CNTNAP2: variants seen among roughly 807,000 people sequenced by gnomAD.
CNTNAP2 encodes the protein contactin associated protein 2.
In CNTNAP2, 98 loss-of-function variants were observed where a neutral mutation model predicts 155.2. The ratio of observed to expected loss-of-function variants is 0.63; its 90% CI spans 0.54 to 0.75. The LOEUF (loss-of-function observed/expected upper bound fraction) is 0.75, where lower values mean the gene tolerates loss of function less well. CNTNAP2 is among the 30% of genes least tolerant of loss of function. The probability of loss-of-function intolerance (pLI) is 0.00; values close to 1 mark genes in which losing one functional copy is unlikely to be tolerated. For missense variants in CNTNAP2, 1,727 were observed against 1,688.1 expected (o/e 1.02, Z -0.40); for synonymous variants, 651 against 631.2 (o/e 1.03, Z -0.47).
At position 146,711,670 on chromosome 7, in the gene CNTNAP2, G is replaced by C. The variant is rs974224532; in HGVS notation, c.98-62601G>C. Among the ~76,000 whole-genome samples the C allele has an allele frequency of 2.5e-3, 369 of 146,274 alleles. 2 individuals are homozygous for C. The highest frequency in any genetic ancestry group is 8.6e-3 in the African/African-American group (342 of 39,690). ...TTGAGGTTCACACTGAAGCTATTTC[G>C]TATATATCTCATTATATATACATAT... On this transcript the variant is annotated intron_variant, in intron 1 of 23. Coordinates refer to ENST00000361727, the MANE Select transcript of CNTNAP2 (RefSeq NM_014141.6).
intron 11 of CNTNAP2, among the ~76,000 whole-genome samples, chr7:147,539,500 G>A (rs1229454740): frequency 6.6e-6 from 1 of 152,176 alleles, no homozygotes; most frequent in East Asian, 1.9e-4. Context: ...TTCTGGAGAA[G>A]CCACTAGGAT....
intron 12 of CNTNAP2, among the ~76,000 whole-genome samples, chr7:147,577,581 T>C (rs567772926): frequency 1.3e-5 from 2 of 152,008 alleles, no homozygotes; most frequent in South Asian, 2.1e-4. Flanking sequence ...GTAGAGTTTC[T>C]TCTATTGGGG....
chr7:146,370,599 C>A (rs189915344), intron 1 of CNTNAP2, among the ~76,000 whole-genome samples: 58 of 152,144 alleles, frequency 3.8e-4, no homozygotes, highest in Non-Finnish European at 5.7e-4. Flanking sequence ...ATTAATATAG[C>A]CTTAACATAT....
At position 146,151,646 on chromosome 7, in the gene CNTNAP2, ATATATATATATATATATAT is replaced by A. The variant is rs1798042214; in HGVS notation, c.97+34674_97+34692del. On this transcript the variant is annotated intron_variant, in intron 1 of 23. Transcript: ENST00000361727. ...GACAAAGAAAACGTGATATATATATATATATATATATATATATATATATATATATATATATGTATATATA... is the reference window on the plus strand; with the variant it reads ...GACAAAGAAAACGTGATATATATATAATATATATATATATATGTATATATA... 8.3e-4 allele frequency among the ~76,000 whole-genome samples: 58 copies of A among 70,282 alleles called. 2 individuals are homozygous for A. Among genetic ancestry groups the A allele is most frequent in the African/African-American group, 2.2e-3 (57 of 26,040 alleles). 46.1% of individuals were successfully genotyped at this position (70,282 alleles called of 152,430 possible).
intron 15 of CNTNAP2, among the ~76,000 whole-genome samples, chr7:148,003,493 G>T (rs901396684): frequency 6.6e-6 from 1 of 152,196 alleles, no homozygotes; most frequent in Non-Finnish European, 1.5e-5. Flanking sequence ...CTTCCTCTCT[G>T]ATTCCGTGAA....
At chr7:146,233,847 T>C (rs951398864) in intron 1 of CNTNAP2, among the ~76,000 whole-genome samples, 4 of 151,184 alleles carry the variant, frequency 2.6e-5, no homozygotes, top group African/African-American at 7.3e-5. Context: ...TGCCACATTT[T>C]CTTCATCCAG....
rs528987140 is a variant in CNTNAP2 at position 146,674,326 on chromosome 7, C to T, written c.98-99945C>T. On this transcript the variant is annotated intron_variant, in intron 1 of 23. Coordinates refer to ENST00000361727, the MANE Select transcript of CNTNAP2 (RefSeq NM_014141.6). ...CAGACATTTTATAAGTAGTGTCTTA[C>T]GTACTTTCTTAGTAATATTTTGAAG... Among the ~76,000 whole-genome samples, 50 of 152,160 alleles carry T rather than the reference C, an allele frequency of 3.3e-4. 1 individual carries two copies. Among genetic ancestry groups the T allele is most frequent in the Middle Eastern group, 3.4e-3 (1 of 294 alleles).
chr7:146,675,484 A>G (rs1364800621), intron 1 of CNTNAP2, among the ~76,000 whole-genome samples: 4 of 152,126 alleles, frequency 2.6e-5, no homozygotes, highest in Non-Finnish European at 4.4e-5. Flanking sequence ...AGTCTCAGCT[A>G]TTTTATTTTA....
At chr7:148,388,258 AG>A (rs1799262506) in intron 22 of CNTNAP2, among the ~76,000 whole-genome samples, 1 of 150,946 alleles carries the variant, frequency 6.6e-6, no homozygotes, top group Non-Finnish European at 1.5e-5. Context: ...CTCATCATCT[AG>A]CATTAGGTAT....
At chr7:146,444,343 A>G (rs1796370758) in intron 1 of CNTNAP2, among the ~76,000 whole-genome samples, 1 of 152,150 alleles carries the variant, frequency 6.6e-6, no homozygotes, top group African/African-American at 2.4e-5. Flanking sequence ...TTTTTAACAC[A>G]GTAAAAATGA....
At chr7:147,190,833 G>T (rs1802665139) in intron 8 of CNTNAP2, among the ~76,000 whole-genome samples, 1 of 152,116 alleles carries the variant, frequency 6.6e-6, no homozygotes, top group African/African-American at 2.4e-5. Context: ...TACATAAAGT[G>T]CTTTGTGAAG....
At chr7:148,338,338 C>G (rs1050738759) in intron 21 of CNTNAP2, among the ~76,000 whole-genome samples, 6 of 152,142 alleles carry the variant, frequency 3.9e-5, no homozygotes, top group African/African-American at 1.4e-4. Flanking sequence ...TTTGCAGAAC[C>G]TGTGTCTATT....
intron 14 of CNTNAP2, among the ~76,000 whole-genome samples, chr7:147,913,157 G>C (rs1217557286): frequency 6.6e-6 from 1 of 152,206 alleles, no homozygotes; most frequent in Non-Finnish European, 1.5e-5. Flanking sequence ...ATGTCCAAAG[G>C]ATAAAAAGGA....
intron 3 of CNTNAP2, among the ~76,000 whole-genome samples, chr7:146,994,726 T>A (rs764769552): frequency 3.9e-5 from 6 of 152,098 alleles, no homozygotes; most frequent in Non-Finnish European, 8.8e-5. Flanking sequence ...CTCACACACA[T>A]GGGTGTTAAT....
intron 14 of CNTNAP2, among the ~76,000 whole-genome samples, chr7:147,951,382 G>C (rs1002079689): frequency 6.6e-6 from 1 of 152,086 alleles, no homozygotes; most frequent in Non-Finnish European, 1.5e-5. Context: ...ATTCATGACT[G>C]ACCATCAGTA....
chr7:147,178,829 C>G (rs1189443414), intron 8 of CNTNAP2, among the ~76,000 whole-genome samples: 5 of 152,062 alleles, frequency 3.3e-5, no homozygotes, highest in Admixed American at 2.0e-4. Context: ...AAACAAAAAC[C>G]GTTGATTAAG....
chr7:147,233,754 A>G (rs897422863), intron 8 of CNTNAP2, among the ~76,000 whole-genome samples: 1 of 150,624 alleles, frequency 6.6e-6, no homozygotes, highest in African/African-American at 2.4e-5. Context: ...AAAAAGTCTT[A>G]TATAAAAACA....
At chr7:147,204,962 G>C (rs918916754) in intron 8 of CNTNAP2, among the ~76,000 whole-genome samples, 1 of 151,952 alleles carries the variant, frequency 6.6e-6, no homozygotes, top group Admixed American at 6.6e-5. Flanking sequence ...ATATCTGGGT[G>C]CTCTATTCTG....
At chr7:147,349,126 G>A (rs1795927524) in intron 9 of CNTNAP2, among the ~76,000 whole-genome samples, 1 of 151,860 alleles carries the variant, frequency 6.6e-6, no homozygotes, top group Admixed American at 6.6e-5. Flanking sequence ...TAGCTAAAAA[G>A]AGGATATTCA....
Sources: allele counts gnomAD v4.1 joint callset (sites outside exome capture counted in the v4.1 genomes callset), GRCh38; gene constraint gnomAD v4.1.1; transcripts MANE v1.5; gene names NCBI Gene and HGNC (gene_info 2026-07-23, HGNC 2026-07-21).